Variants in CNTNAP2 observed in about 807,000 individuals in gnomAD.
The protein encoded by CNTNAP2 is contactin associated protein 2, also known as contactin-associated protein-like 2.
Under a neutral mutation model 155.2 loss-of-function variants are expected in CNTNAP2, and 98 were observed. That is an observed-to-expected ratio of 0.63 (90% CI 0.54 to 0.75). The LOEUF (loss-of-function observed/expected upper bound fraction) is 0.75. Ranked by LOEUF, CNTNAP2 falls within the 30% of genes least tolerant of loss-of-function variation. The probability of loss-of-function intolerance (pLI) is 0.00; values close to 1 mark genes in which losing one functional copy is unlikely to be tolerated. For missense variants in CNTNAP2, 1,727 were observed against 1,688.1 expected (o/e 1.02, Z -0.40); for synonymous variants, 651 against 631.2 (o/e 1.03, Z -0.47).
At chr7:147,322,196 A>G (rs1795364501) in intron 9 of CNTNAP2, among the ~76,000 whole-genome samples, 1 of 152,182 alleles carries the variant, frequency 6.6e-6, no homozygotes, top group South Asian at 2.1e-4. Flanking sequence ...TACAATGTTT[A>G]CGCATGTATC....
chr7:147,973,805 G>A (rs1276283184), intron 14 of CNTNAP2, among the ~76,000 whole-genome samples: 1 of 152,132 alleles, frequency 6.6e-6, no homozygotes, highest in Non-Finnish European at 1.5e-5. Flanking sequence ...CAGATAGTGT[G>A]AATCTGAATC....
chr7:147,435,963 TTTA>T (rs1305731919), intron 10 of CNTNAP2, among the ~76,000 whole-genome samples: 3 of 152,206 alleles, frequency 2.0e-5, no homozygotes, highest in Non-Finnish European at 2.9e-5. Flanking sequence ...TTTCATTTCT[TTTA>T]TTTTTTGGAT....
At chr7:146,836,317 T>A (rs1262539336) in intron 2 of CNTNAP2, among the ~76,000 whole-genome samples, 4 of 152,182 alleles carry the variant, frequency 2.6e-5, no homozygotes, top group African/African-American at 9.6e-5. Context: ...TACAAGCTTT[T>A]GTTAATAACA....
intron 15 of CNTNAP2, among the ~76,000 whole-genome samples, chr7:148,062,351 A>T (rs1053464628): frequency 6.6e-6 from 1 of 152,276 alleles, no homozygotes; most frequent in East Asian, 1.9e-4. Context: ...AGAACTTAGC[A>T]ATTTTAAACT....
chr7:147,599,149 G>A (rs574065976), intron 12 of CNTNAP2, among the ~76,000 whole-genome samples: 3 of 152,026 alleles, frequency 2.0e-5, no homozygotes, highest in East Asian at 1.9e-4. Flanking sequence ...GGGGTTAAAC[G>A]CTTCCATGGT....
At chr7:146,806,316 C>T (rs1460191535) in intron 2 of CNTNAP2, among the ~76,000 whole-genome samples, 2 of 151,670 alleles carry the variant, frequency 1.3e-5, no homozygotes, top group Non-Finnish European at 2.9e-5. Flanking sequence ...CATTGTGAAA[C>T]CCTGTCTCTA....
At chr7:147,781,135 A>G (rs908184744) in intron 13 of CNTNAP2, among the ~76,000 whole-genome samples, 1 of 152,346 alleles carries the variant, frequency 6.6e-6, no homozygotes, top group African/African-American at 2.4e-5. Context: ...AAATAATGAA[A>G]ATGACATATT....
intron 1 of CNTNAP2, among the ~76,000 whole-genome samples, chr7:146,388,907 C>A (rs931494990): frequency 1.3e-5 from 2 of 151,984 alleles, no homozygotes; most frequent in Non-Finnish European, 2.9e-5. Flanking sequence ...TGCTGTGGCT[C>A]CTTTCAATCT....
intron 8 of CNTNAP2, among the ~76,000 whole-genome samples, chr7:147,226,474 A>G (rs1189715263): frequency 6.6e-6 from 1 of 152,072 alleles, no homozygotes; most frequent in African/African-American, 2.4e-5. Flanking sequence ...GAAATGTGGC[A>G]TGAACTCTTC....
At chr7:147,195,824 G>A (rs894354203) in intron 8 of CNTNAP2, among the ~76,000 whole-genome samples, 9 of 152,110 alleles carry the variant, frequency 5.9e-5, no homozygotes, top group Middle Eastern at 3.4e-3. Context: ...ATGAGATGAT[G>A]GGGTTTTAAG....
rs199989312 is a variant in CNTNAP2, at chr7:148,044,270, G to T, written c.2383+66281G>T. 1.5e-4 allele frequency among the ~76,000 whole-genome samples: 23 copies of T among 150,838 alleles called. No individual in the cohort carries two copies. In the East Asian group the frequency reaches 2.3e-3, roughly 15 times the overall value. ...CGTGTTCTAGCTCCGACCCAAGGGG[G>T]TTCCCGGGACGTGGTTGTGGATGTT... On this transcript the variant is annotated intron_variant, in intron 15 of 23. Coordinates refer to ENST00000361727, the MANE Select transcript of CNTNAP2 (RefSeq NM_014141.6).
intron 8 of CNTNAP2, among the ~76,000 whole-genome samples, chr7:147,215,944 G>A (rs1803258748): frequency 6.6e-6 from 1 of 152,090 alleles, no homozygotes; most frequent in Non-Finnish European, 1.5e-5. Flanking sequence ...GACATATGAT[G>A]TAGAACATCT....
intron 1 of CNTNAP2, among the ~76,000 whole-genome samples, chr7:146,139,037 A>G (rs1797838822): frequency 6.6e-6 from 1 of 152,120 alleles, no homozygotes. Context: ...TACCTTAAAC[A>G]TGCTCAGAAC....
chr7:146,309,150 A>G (rs1800774761), intron 1 of CNTNAP2, among the ~76,000 whole-genome samples: 1 of 152,190 alleles, frequency 6.6e-6, no homozygotes, highest in Non-Finnish European at 1.5e-5. Context: ...TGTTTTGGTT[A>G]AAGTAATTTT....
intron 12 of CNTNAP2, among the ~76,000 whole-genome samples, chr7:147,602,221 G>A (rs915168305): frequency 6.6e-6 from 1 of 151,822 alleles, no homozygotes. Context: ...TGATTATCCT[G>A]CATTTTTATA....
chr7:148,413,401 A>AAAATAT (rs1442990213), intron 23 of CNTNAP2, among the ~76,000 whole-genome samples: 9 of 45,364 alleles, frequency 2.0e-4, no homozygotes, highest in African/African-American at 1.0e-3. Flanking sequence ...TCAAAAAAAA[A>AAAATAT]ATATATATAT....
intron 1 of CNTNAP2, among the ~76,000 whole-genome samples, chr7:146,196,254 T>G (rs535166997): frequency 2.6e-5 from 4 of 152,124 alleles, no homozygotes; most frequent in Non-Finnish European, 4.4e-5. Flanking sequence ...CAGTTAGAAA[T>G]AACACTTCCA....
chr7:146,835,369 T>C (rs1359936856), intron 2 of CNTNAP2, among the ~76,000 whole-genome samples: 1 of 152,186 alleles, frequency 6.6e-6, no homozygotes, highest in African/African-American at 2.4e-5. Flanking sequence ...ACTCTGTTGC[T>C]TTTGGTAATA....
At chr7:147,060,253 T>G (rs1799638319) in intron 4 of CNTNAP2, among the ~76,000 whole-genome samples, 1 of 152,194 alleles carries the variant, frequency 6.6e-6, no homozygotes, top group Non-Finnish European at 1.5e-5. Flanking sequence ...TAAGAGTAGT[T>G]ATTTGAAAGT....
Sources: gnomAD v4.1 joint callset for allele counts (sites outside exome capture counted in the v4.1 genomes callset) on GRCh38, gnomAD v4.1.1 for gene constraint, MANE v1.5 for transcripts, NCBI Gene and HGNC (gene_info 2026-07-23, HGNC 2026-07-21) for gene names.